IQGAP2: variants seen among roughly 807,000 people sequenced by gnomAD.
IQGAP2 encodes IQ motif containing GTPase activating protein 2.
Under a neutral mutation model 201.3 loss-of-function variants are expected in IQGAP2, and 173 were observed. That is an observed-to-expected ratio of 0.86 (90% CI 0.76 to 0.98). IQGAP2 has a LOEUF of 0.98. IQGAP2 is among the 50% of genes least tolerant of loss of function. The pLI is 0.00. For missense variants in IQGAP2, 1,687 were observed against 1,864.8 expected, an observed-to-expected ratio of 0.90 and a Z score of 1.76; for synonymous variants, 675 against 673.9, an observed-to-expected ratio of 1.00 and a Z score of -0.03.
intron 28 of IQGAP2, among the ~76,000 whole-genome samples, chr5:76,680,632 GA>G (rs1055940101): frequency 6.8e-6 from 1 of 148,070 alleles, no homozygotes; most frequent in Non-Finnish European, 1.5e-5. Context: ...GACAAAATAG[GA>G]AAAAAAAATT....
chr5:76,637,200 T>C, intron 16 of IQGAP2, 24 bp downstream of exon 16: 1 of 1,575,520 alleles, frequency 6.3e-7, no homozygotes, highest in Non-Finnish European at 8.6e-7. Context: ...GTTTGATGGA[T>C]AACTCTACTG....
intron 2 of IQGAP2, among the ~76,000 whole-genome samples, chr5:76,488,083 A>G (rs76600882): frequency 0.016 from 2,373 of 152,314 alleles, 56 homozygotes; most frequent in African/African-American, 0.054. Context: ...TTCTTGGGGA[A>G]TGATACCAAG....
Position 76,601,508 on chromosome 5 carries a change from T to C in IQGAP2, c.1232+536T>C, listed in dbSNP as rs79368911. On this transcript the variant is annotated intron_variant, in intron 11 of 35. Coordinates refer to ENST00000274364, the MANE Select transcript of IQGAP2 (RefSeq NM_006633.5). ...TTCATTTCATGTTTCTGAAGTGTGC[T>C]ACCAGATAGTACAACTGATAGCATT... Among the ~76,000 whole-genome samples, 795 of 152,342 alleles carry C rather than the reference T, an allele frequency of 5.2e-3. 8 individuals are homozygous for C. Among genetic ancestry groups the C allele is most frequent in the African/African-American group, 0.018 (760 of 41,570 alleles).
At chr5:76,620,657 G>A (rs368656225) in intron 13 of IQGAP2, among the ~76,000 whole-genome samples, 24 of 152,208 alleles carry the variant, frequency 1.6e-4, no homozygotes, top group African/African-American at 5.8e-4. Flanking sequence ...GGAGGCTCTC[G>A]TTTAATTTAA....
At chr5:76,594,982 A>C (rs551818336) in intron 9 of IQGAP2, among the ~76,000 whole-genome samples, 80 of 152,000 alleles carry the variant, frequency 5.3e-4, no homozygotes, top group African/African-American at 1.8e-3. Context: ...AATTTAAAAA[A>C]AAAAAGTAAG....
At chr5:76,404,962 C>T (rs1031903850) in intron 1 of IQGAP2, among the ~76,000 whole-genome samples, 1 of 152,166 alleles carries the variant, frequency 6.6e-6, no homozygotes, top group Non-Finnish European at 1.5e-5. Flanking sequence ...GAATGCTGTG[C>T]TCATTCAGTG....
At chr5:76,694,103 G>C (rs2150540071) in intron 31 of IQGAP2, 1 of 152,148 alleles carries the variant, frequency 6.6e-6, no homozygotes, top group African/African-American at 2.4e-5. Flanking sequence ...TAATTTAATT[G>C]ATTGCCAAGG....
chr5:76,618,353 C>T (rs759283628), intron 13 of IQGAP2: 15 of 1,614,060 alleles, frequency 9.3e-6, no homozygotes, highest in African/African-American at 2.7e-5. Context: ...TGAAGAAAAG[C>T]ATCCACAGGG....
chr5:76,462,524 C>T (rs772614741), intron 2 of IQGAP2, among the ~76,000 whole-genome samples: 1 of 152,178 alleles, frequency 6.6e-6, no homozygotes, highest in Non-Finnish European at 1.5e-5. Context: ...GGGGTGAATA[C>T]TACAGAGTTC....
chr5:76,663,495 G>A (rs1743456862), intron 21 of IQGAP2, among the ~76,000 whole-genome samples: 11 of 152,178 alleles, frequency 7.2e-5, no homozygotes, highest in Admixed American at 7.2e-4. Flanking sequence ...TGCCATTAGG[G>A]TCATGAAATC....
intron 2 of IQGAP2, among the ~76,000 whole-genome samples, chr5:76,496,823 T>C (rs1046400673): frequency 1.2e-4 from 18 of 146,514 alleles, no homozygotes; most frequent in Non-Finnish European, 1.6e-4. Flanking sequence ...CTTTCTTTCT[T>C]TTTCTTTTCT....
intron 17 of IQGAP2, among the ~76,000 whole-genome samples, chr5:76,650,925 C>CT (rs967514662): frequency 6.6e-5 from 10 of 152,106 alleles, no homozygotes; most frequent in Admixed American, 2.0e-4. Context: ...ATATATGGGG[C>CT]TTTTCTACAC....
intron 1 of IQGAP2, among the ~76,000 whole-genome samples, chr5:76,422,189 A>G (rs751221132): frequency 1.3e-5 from 2 of 152,220 alleles, no homozygotes; most frequent in Non-Finnish European, 1.5e-5. Context: ...GGTGGTGCTT[A>G]ACTGGAGCAA....
intron 35 of IQGAP2, among the ~76,000 whole-genome samples, chr5:76,705,395 G>A (rs1580872941): frequency 6.6e-6 from 1 of 152,286 alleles, no homozygotes; most frequent in East Asian, 1.9e-4. Flanking sequence ...ATGTTGCAAG[G>A]TCTTAAGATA....
At chr5:76,610,765 C>G (rs946729714) in intron 12 of IQGAP2, among the ~76,000 whole-genome samples, 15 of 151,934 alleles carry the variant, frequency 9.9e-5, no homozygotes, top group Admixed American at 6.6e-5. Flanking sequence ...TCTTATGTTT[C>G]TTTCATTAAA....
chr5:76,671,674 CA>C, intron 23 of IQGAP2, 84 bp from the exon 24 acceptor site: 1 of 963,826 alleles, frequency 1.0e-6, no homozygotes, highest in Non-Finnish European at 1.5e-6. Context: ...GGTGACAGAG[CA>C]AGACTGTCTC....
At chr5:76,542,478 C>T (rs958251946) in intron 2 of IQGAP2, among the ~76,000 whole-genome samples, 2 of 152,330 alleles carry the variant, frequency 1.3e-5, no homozygotes, top group Admixed American at 6.5e-5. Context: ...TTTCCAAGCC[C>T]GCCCTGTTAG....
chr5:76,557,388 C>A (rs1389492399), intron 2 of IQGAP2, among the ~76,000 whole-genome samples: 1 of 152,124 alleles, frequency 6.6e-6, no homozygotes, highest in Non-Finnish European at 1.5e-5. Flanking sequence ...CCATGATAAT[C>A]CCCATAAAGT....
At chr5:76,572,213 A>AC (rs1745162125) in intron 4 of IQGAP2, among the ~76,000 whole-genome samples, 1 of 132,816 alleles carries the variant, frequency 7.5e-6, no homozygotes, top group South Asian at 2.4e-4. Context: ...ATGTACAGCT[A>AC]TTTTTTTTTT....
Sources: gnomAD v4.1 joint callset for allele counts (sites outside exome capture counted in the v4.1 genomes callset) on GRCh38, gnomAD v4.1.1 for gene constraint, MANE v1.5 for transcripts, NCBI Gene and HGNC (gene_info 2026-07-23, HGNC 2026-07-21) for gene names.